The following GSE1 variants were observed in gnomAD, a reference collection of about 807,000 sequenced individuals.
The protein encoded by GSE1 is Gse1 coiled-coil protein.
GSE1 carries 32 observed loss-of-function variants against 112.6 expected under a neutral mutation model. The ratio of observed to expected loss-of-function variants is 0.28; its 90% CI spans 0.21 to 0.38. The LOEUF is 0.38. Among genes scored for constraint, GSE1 ranks in the 10% least tolerant of loss-of-function variants. The probability of loss-of-function intolerance (pLI) is 1.00; values close to 1 mark genes in which losing one functional copy is unlikely to be tolerated. For missense variants in GSE1, 2,348 were observed against 1,699.2 expected (o/e 1.38, Z -6.71); for synonymous variants, 1,115 against 735.6 (o/e 1.52, Z -8.35).
chr16:85,613,338 G>A lies in GSE1; in HGVS notation c.-54G>A, dbSNP rs949885180. 4 of 1,559,762 alleles carry A rather than the reference G, an allele frequency of 2.6e-6. No individual in the cohort carries two copies. The highest frequency in any genetic ancestry group is 3.5e-6 in the Non-Finnish European group (4 of 1,152,488). On this transcript the variant is annotated 5_prime_UTR_variant, in exon 1 of 16. Coordinates refer to ENST00000253458, the MANE Select transcript of GSE1 (RefSeq NM_014615.5). ...GAGATAAGCAGTTTAGACAAACACT[G>A]GGCGACGGTGGCTCCAGCATGTATC...
intron 1 of GSE1, among the ~76,000 whole-genome samples, chr16:85,222,734 A>G (rs2075415556): frequency 6.6e-6 from 1 of 152,038 alleles, no homozygotes. Flanking sequence ...CCGGGAGGAG[A>G]TGTTTCTCAT....
chr16:85,644,343 CAA>C (rs749279315), intron 2 of GSE1, among the ~76,000 whole-genome samples: 24 of 119,628 alleles, frequency 2.0e-4, no homozygotes, highest in South Asian at 2.8e-4. Flanking sequence ...GATCCTGTCT[CAA>C]AAAAAAAAAA....
intron 1 of GSE1, among the ~76,000 whole-genome samples, chr16:85,352,056 CTAATAAAAT>C (rs2046861633): frequency 6.6e-6 from 1 of 152,110 alleles, no homozygotes; most frequent in Non-Finnish European, 1.5e-5. Flanking sequence ...ATCTCATGGA[CTAATAAAAT>C]TAATAAAACT....
At chr16:85,206,769 C>G (rs1456826144) in intron 1 of GSE1, among the ~76,000 whole-genome samples, 1 of 150,510 alleles carries the variant, frequency 6.6e-6, no homozygotes, top group African/African-American at 2.5e-5. Flanking sequence ...TCTAGGCCGC[C>G]AGGATGGAGG....
In GSE1 at chr16:85,617,075, A is replaced by G. The variant is rs530753053; in HGVS notation, c.7+3677A>G. On this transcript the variant is annotated intron_variant, in intron 1 of 15. Transcript: ENST00000253458. ...ATTCTCGCCACTCCTGCGTTTGGCC[A>G]CGTCCCTGTCCTAGCATGGGCCATC... Among the ~76,000 whole-genome samples the G allele has an allele frequency of 4.6e-4, 70 of 152,308 alleles. No individual in the cohort carries two copies. The South Asian group carries it at 0.014, about 30-fold the overall frequency.
At chr16:85,214,704 C>T (rs1330126601) in intron 1 of GSE1, among the ~76,000 whole-genome samples, 1 of 152,224 alleles carries the variant, frequency 6.6e-6, no homozygotes, top group Non-Finnish European at 1.5e-5. Context: ...GCCCGGTCCC[C>T]TCTCACAGAC....
chr16:85,191,866 G>A (rs1446119002), intron 1 of GSE1, among the ~76,000 whole-genome samples: 1 of 152,174 alleles, frequency 6.6e-6, no homozygotes, highest in South Asian at 2.1e-4. Context: ...GACTTGGGTG[G>A]TGGGACGGTC....
chr16:85,182,639 T>C (rs1052118565), intron 1 of GSE1, among the ~76,000 whole-genome samples: 2 of 152,190 alleles, frequency 1.3e-5, no homozygotes, highest in Admixed American at 6.5e-5. Flanking sequence ...GCACGCTGAC[T>C]GCTCACCTGT....
At chr16:85,391,851 T>G (rs2047845544) in intron 2 of GSE1, among the ~76,000 whole-genome samples, 1 of 152,182 alleles carries the variant, frequency 6.6e-6, no homozygotes, top group African/African-American at 2.4e-5. Context: ...TATAGAACCC[T>G]GTGGCTTCTG....
chr16:85,660,361 G>T (rs2052330509), intron 8 of GSE1, among the ~76,000 whole-genome samples: 1 of 152,212 alleles, frequency 6.6e-6, no homozygotes, highest in Non-Finnish European at 1.5e-5. Context: ...GGAGGGCCGG[G>T]CACAGTGGCT....
chr16:85,218,835 G>T (rs1450696939), intron 1 of GSE1, among the ~76,000 whole-genome samples: 1 of 152,184 alleles, frequency 6.6e-6, no homozygotes, highest in East Asian at 1.9e-4. Flanking sequence ...CCAAATGACC[G>T]ATTGAATGTC....
intron 1 of GSE1, among the ~76,000 whole-genome samples, chr16:85,579,201 G>A (rs2046350772): frequency 6.6e-6 from 1 of 152,158 alleles, no homozygotes; most frequent in African/African-American, 2.4e-5. Context: ...GCTGGTCGGG[G>A]TGGAGGGGAC....
intron 2 of GSE1, among the ~76,000 whole-genome samples, chr16:85,536,697 C>T (rs1365037991): frequency 6.6e-6 from 1 of 152,236 alleles, no homozygotes; most frequent in Non-Finnish European, 1.5e-5. Context: ...CCTGCCCTCT[C>T]CAGGAGCCTG....
chr16:85,394,648 GGTGTGT>G (rs1567733065), intron 2 of GSE1, among the ~76,000 whole-genome samples: 1 of 152,184 alleles, frequency 6.6e-6, no homozygotes, highest in African/African-American at 2.4e-5. Flanking sequence ...CCAGGAGCCA[GGTGTGT>G]GGGCGTCTCC....
At chr16:85,662,669 T>C (rs571578301) in intron 9 of GSE1, 3 of 344,916 alleles carry the variant, frequency 8.7e-6, no homozygotes, top group African/African-American at 6.4e-5. Context: ...TGTGTTGCCG[T>C]GGACACAGCC....
At chr16:85,617,805 G>C (rs1232496112) in intron 1 of GSE1, among the ~76,000 whole-genome samples, 1 of 152,084 alleles carries the variant, frequency 6.6e-6, no homozygotes, top group African/African-American at 2.4e-5. Flanking sequence ...TGTTTCAGGA[G>C]ACCTGGGGTC....
At chr16:85,403,989 G>C (rs545199587) in intron 2 of GSE1, among the ~76,000 whole-genome samples, 1 of 148,416 alleles carries the variant, frequency 6.7e-6, no homozygotes, top group Non-Finnish European at 1.5e-5. Flanking sequence ...TTCAGGGCAG[G>C]CATCTTCACC....
At chr16:85,374,209 T>C (rs1234590900) in intron 2 of GSE1, among the ~76,000 whole-genome samples, 2 of 150,502 alleles carry the variant, frequency 1.3e-5, no homozygotes, top group African/African-American at 2.5e-5. Flanking sequence ...CGCGTGGCCC[T>C]CGGTGTGCAG....
intron 2 of GSE1, among the ~76,000 whole-genome samples, chr16:85,638,910 T>A (rs1455582944): frequency 1.3e-5 from 2 of 152,246 alleles, no homozygotes; most frequent in East Asian, 1.9e-4. Context: ...TGGCTTCCTC[T>A]GTCCCAGTGG....
Sources: allele counts gnomAD v4.1 joint callset (sites outside exome capture counted in the v4.1 genomes callset), GRCh38; gene constraint gnomAD v4.1.1; transcripts MANE v1.5; gene names NCBI Gene and HGNC (gene_info 2026-07-23, HGNC 2026-07-21).